The following GPATCH8 variants were observed in gnomAD, a reference collection of about 807,000 sequenced individuals.
GPATCH8 encodes G patch domain-containing protein 8.
Under a neutral mutation model 118.3 loss-of-function variants are expected in GPATCH8, and 18 were observed. That is an observed-to-expected ratio of 0.15 (90% CI 0.11 to 0.23). The LOEUF is 0.23. Ranked by LOEUF, GPATCH8 falls within the 10% of genes least tolerant of loss-of-function variation. The pLI is 1.00. For missense variants in GPATCH8, 1,631 were observed against 1,873.8 expected (o/e 0.87, Z 2.39); for synonymous variants, 659 against 684.7 (o/e 0.96, Z 0.59).
intron 5 of GPATCH8, among the ~76,000 whole-genome samples, chr17:44,434,328 AAAG>A (rs1198719731): frequency 2.0e-5 from 3 of 152,080 alleles, no homozygotes; most frequent in Non-Finnish European, 4.4e-5. Context: ...AGGGGCAGGA[AAAG>A]AAGATGAGTT....
chr17:44,476,962 T>G (rs1261259459), intron 1 of GPATCH8, among the ~76,000 whole-genome samples: 1 of 152,208 alleles, frequency 6.6e-6, no homozygotes. Flanking sequence ...CCTTCTTGTC[T>G]TAAAATATAG....
chr17:44,498,663 T>C (rs1210182447), intron 1 of GPATCH8, among the ~76,000 whole-genome samples: 1 of 152,364 alleles, frequency 6.6e-6, no homozygotes, highest in Middle Eastern at 3.4e-3. Flanking sequence ...TCACTTATCA[T>C]ACTATGAGAC....
chr17:44,425,646 G>C (rs879174808), intron 5 of GPATCH8, among the ~76,000 whole-genome samples: 1 of 151,970 alleles, frequency 6.6e-6, no homozygotes, highest in Non-Finnish European at 1.5e-5. Context: ...TTCCCACCTC[G>C]GCCTCCCAAG....
chr17:44,435,193 C>T (rs1169580238), intron 4 of GPATCH8, 42 bp from the exon 5 acceptor site: 6 of 890,464 alleles, frequency 6.7e-6, no homozygotes, highest in Non-Finnish European at 1.2e-5. Context: ...TCCTAAAGTA[C>T]CCCCAAGATT....
chr17:44,497,853 T>C (rs144597921), intron 1 of GPATCH8, among the ~76,000 whole-genome samples: 2,844 of 152,018 alleles, frequency 0.019, 72 homozygotes, highest in Admixed American at 0.06. Context: ...AGCGGGAGGA[T>C]TGCTTGAGCC....
chr17:44,416,231 G>A (rs891259760), intron 6 of GPATCH8, among the ~76,000 whole-genome samples: 10 of 152,006 alleles, frequency 6.6e-5, no homozygotes, highest in South Asian at 4.1e-4. Context: ...GGCTGGTCTC[G>A]AACTTCTCAC....
intron 2 of GPATCH8, among the ~76,000 whole-genome samples, chr17:44,468,418 C>T (rs1048057104): frequency 2.4e-5 from 3 of 127,440 alleles, no homozygotes; most frequent in African/African-American, 6.3e-5. Context: ...GACAGGGTCT[C>T]GCTCTGCCAC....
intron 5 of GPATCH8, among the ~76,000 whole-genome samples, chr17:44,433,848 G>A (rs115764104): frequency 6.6e-6 from 1 of 152,114 alleles, no homozygotes; most frequent in African/African-American, 2.4e-5. Flanking sequence ...TTTTAAAGAA[G>A]AAAGAGTATG....
intron 3 of GPATCH8, among the ~76,000 whole-genome samples, chr17:44,444,254 T>TAAA (rs11373151): frequency 6.9e-6 from 1 of 145,422 alleles, no homozygotes; most frequent in Admixed American, 6.9e-5. Flanking sequence ...TACTTTCAAT[T>TAAA]AAAAAAAAAA....
chr17:44,418,704 G>T (rs2049783482), intron 6 of GPATCH8, among the ~76,000 whole-genome samples: 2 of 152,144 alleles, frequency 1.3e-5, no homozygotes, highest in Admixed American at 1.3e-4. Flanking sequence ...GCCAGCCTCG[G>T]CCTCCCAAAG....
chr17:44,473,922 G>C (rs1387780448), intron 2 of GPATCH8, among the ~76,000 whole-genome samples: 3 of 152,082 alleles, frequency 2.0e-5, no homozygotes, highest in Non-Finnish European at 1.5e-5. Flanking sequence ...TAAAATATCC[G>C]TATTCTCTAA....
intron 5 of GPATCH8, among the ~76,000 whole-genome samples, chr17:44,429,469 G>A (rs1567975814): frequency 6.6e-6 from 1 of 151,596 alleles, no homozygotes; most frequent in East Asian, 1.9e-4. Flanking sequence ...AATCTTGTGT[G>A]TATATATATA....
At chr17:44,441,639 A>C (rs2050692553) in intron 3 of GPATCH8, among the ~76,000 whole-genome samples, 1 of 151,560 alleles carries the variant, frequency 6.6e-6, no homozygotes, top group Non-Finnish European at 1.5e-5. Flanking sequence ...CAGGAGAATC[A>C]CTTTAACCCG....
chr17:44,493,059 T>G (rs1037692976), intron 1 of GPATCH8, among the ~76,000 whole-genome samples: 10 of 149,080 alleles, frequency 6.7e-5, no homozygotes, highest in African/African-American at 2.2e-4. Context: ...ATTAGGTTTT[T>G]TTTTTTTTTT....
intron 2 of GPATCH8, chr17:44,474,451 G>A: frequency 3.5e-6 from 1 of 285,084 alleles, no homozygotes; most frequent in Non-Finnish European, 6.8e-6. Context: ...TTCTACTTAT[G>A]TAGGAACATT....
chr17:44,488,705 T>C (rs1326217854), intron 1 of GPATCH8, among the ~76,000 whole-genome samples: 1 of 152,038 alleles, frequency 6.6e-6, no homozygotes, highest in African/African-American at 2.4e-5. Flanking sequence ...GTATGGATAC[T>C]GTAGTAGGGA....
chr17:44,485,060 C>T (rs1032883992), intron 1 of GPATCH8, among the ~76,000 whole-genome samples: 4 of 151,962 alleles, frequency 2.6e-5, no homozygotes, highest in Non-Finnish European at 5.9e-5. Context: ...AGAGATCGCC[C>T]GCCTCAGCCT....
intron 3 of GPATCH8, among the ~76,000 whole-genome samples, chr17:44,461,286 A>G (rs1026067021): frequency 6.6e-6 from 1 of 151,908 alleles, no homozygotes; most frequent in Non-Finnish European, 1.5e-5. Flanking sequence ...GGCTCAAGTG[A>G]TCCTCCCACC....
At chr17:44,429,685 C>CA (rs1491257199) in intron 5 of GPATCH8, among the ~76,000 whole-genome samples, 1 of 141,532 alleles carries the variant, frequency 7.1e-6, no homozygotes, top group Admixed American at 6.9e-5. Context: ...CACACACACA[C>CA]AAAACAACAA....
Sources: gnomAD v4.1 joint callset for allele counts (sites outside exome capture counted in the v4.1 genomes callset) on GRCh38, gnomAD v4.1.1 for gene constraint, MANE v1.5 for transcripts, NCBI Gene and HGNC (gene_info 2026-07-23, HGNC 2026-07-21) for gene names.